The following CFAP299 variants were observed in gnomAD, a reference collection of about 807,000 sequenced individuals.
The protein encoded by CFAP299 is cilia- and flagella-associated protein 299.
CFAP299 carries 21 observed loss-of-function variants against 27.0 expected under a neutral mutation model. The ratio of observed to expected loss-of-function variants is 0.78; its 90% CI spans 0.55 to 1.12. The LOEUF is 1.12. Among genes scored for constraint, CFAP299 ranks in the 50% most tolerant of loss-of-function variants. CFAP299 has a pLI of 0.00. For missense variants in CFAP299, 310 were observed against 276.6 expected (o/e 1.12, Z -0.86); for synonymous variants, 104 against 98.1 (o/e 1.06, Z -0.36).
chr4:80,683,500 A>G (rs1719976731), intron 3 of CFAP299, among the ~76,000 whole-genome samples: 1 of 152,156 alleles, frequency 6.6e-6, no homozygotes, highest in African/African-American at 2.4e-5. Flanking sequence ...TACCTGGAAA[A>G]TATCTATCTT....
chr4:80,442,140 C>T (rs2110087556), intron 2 of CFAP299, among the ~76,000 whole-genome samples: 1 of 152,212 alleles, frequency 6.6e-6, no homozygotes, highest in South Asian at 2.1e-4. Context: ...CAATATTAGA[C>T]AGATATTTAC....
chr4:80,433,188 G>A (rs1410930413), intron 2 of CFAP299, among the ~76,000 whole-genome samples: 1 of 152,094 alleles, frequency 6.6e-6, no homozygotes, highest in Non-Finnish European at 1.5e-5. Flanking sequence ...ATTCATAAAA[G>A]GCTGAAGTTA....
At chr4:80,454,865 A>T (rs1012192702) in intron 2 of CFAP299, among the ~76,000 whole-genome samples, 1 of 152,062 alleles carries the variant, frequency 6.6e-6, no homozygotes, top group Non-Finnish European at 1.5e-5. Flanking sequence ...CATGGTGGGT[A>T]GGGGGTTGGG....
In CFAP299 at chr4:80,869,934, A is replaced by T; in HGVS notation, c.334-59A>T. ...GTTTTACATCATTCTATCCTATGGC[A>T]TTCCATAATAAATCAGCTCTTTTAT... On this transcript the variant is annotated intron_variant, in intron 3 of 5. Transcript: ENST00000358105. 3 of 1,494,238 alleles carry T rather than the reference A, an allele frequency of 2.0e-6. No homozygotes were observed. In the South Asian group the frequency reaches 3.8e-5, roughly 19 times the overall value. 92.6% of individuals were successfully genotyped at this position (1,494,238 alleles called of 1,614,324 possible).
intron 3 of CFAP299, among the ~76,000 whole-genome samples, chr4:80,690,951 G>C (rs1460062914): frequency 6.7e-6 from 1 of 149,854 alleles, no homozygotes; most frequent in African/African-American, 2.5e-5. Context: ...AGAAGAAATG[G>C]ATAAATTCCT....
At chr4:80,817,725 C>CT (rs34113155) in intron 3 of CFAP299, among the ~76,000 whole-genome samples, 42,196 of 150,148 alleles carry the variant, frequency 0.28, 7,348 homozygotes, top group African/African-American at 0.49. Flanking sequence ...GTACAAACAA[C>CT]TTTTTTTTTT....
At chr4:80,756,568 A>G (rs912610605) in intron 3 of CFAP299, among the ~76,000 whole-genome samples, 2 of 152,166 alleles carry the variant, frequency 1.3e-5, no homozygotes, top group Admixed American at 1.3e-4. Context: ...TTAAAAAAAA[A>G]CAAAAACAAA....
intron 2 of CFAP299, among the ~76,000 whole-genome samples, chr4:80,548,890 A>G (rs1734369797): frequency 6.6e-6 from 1 of 152,194 alleles, no homozygotes; most frequent in Admixed American, 6.6e-5. Context: ...TTATGAGGAC[A>G]TGACATTAAA....
chr4:80,703,046 A>T (rs1454077707), intron 3 of CFAP299, among the ~76,000 whole-genome samples: 1 of 151,746 alleles, frequency 6.6e-6, no homozygotes, highest in Non-Finnish European at 1.5e-5. Context: ...ACTTTGTGAG[A>T]CTGGAGGGGA....
intron 3 of CFAP299, among the ~76,000 whole-genome samples, chr4:80,689,013 G>T (rs1720444401): frequency 1.3e-5 from 2 of 152,124 alleles, no homozygotes; most frequent in Non-Finnish European, 2.9e-5. Flanking sequence ...AAAGAAACGA[G>T]CAAAGCCTCC....
chr4:80,693,905 A>T, intron 3 of CFAP299, among the ~76,000 whole-genome samples: 1 of 152,026 alleles, frequency 6.6e-6, no homozygotes, highest in East Asian at 1.9e-4. Context: ...AATTTGTAAA[A>T]TTTATTCATT....
chr4:80,909,898 T>A (rs1046260589), intron 4 of CFAP299, among the ~76,000 whole-genome samples: 2 of 152,166 alleles, frequency 1.3e-5, no homozygotes, highest in Non-Finnish European at 2.9e-5. Context: ...TAACTAAATT[T>A]TTTGAAAACT....
intron 3 of CFAP299, among the ~76,000 whole-genome samples, chr4:80,834,058 A>C (rs1260087743): frequency 6.6e-6 from 1 of 152,240 alleles, no homozygotes; most frequent in Non-Finnish European, 1.5e-5. Context: ...GCAGTTTGCT[A>C]ATTGTATGCA....
chr4:80,695,092 T>A (rs1385488890), intron 3 of CFAP299, among the ~76,000 whole-genome samples: 1 of 152,180 alleles, frequency 6.6e-6, no homozygotes, highest in Non-Finnish European at 1.5e-5. Flanking sequence ...AAAGCCAAGA[T>A]AATACAAATA....
At chr4:80,563,710 A>G (rs1034559318) in intron 2 of CFAP299, among the ~76,000 whole-genome samples, 6 of 152,096 alleles carry the variant, frequency 3.9e-5, no homozygotes, top group African/African-American at 1.4e-4. Context: ...GAGCAGAAAT[A>G]AAGGAAATTG....
At chr4:80,583,654 A>AC (rs1467797011) in intron 3 of CFAP299, among the ~76,000 whole-genome samples, 24 of 151,918 alleles carry the variant, frequency 1.6e-4, no homozygotes, top group African/African-American at 5.8e-4. Context: ...ATTTTGAATG[A>AC]TCCAAGGAGA....
intron 4 of CFAP299, among the ~76,000 whole-genome samples, chr4:80,891,430 C>T (rs1241941835): frequency 6.6e-6 from 1 of 150,990 alleles, no homozygotes; most frequent in Non-Finnish European, 1.5e-5. Context: ...GAATACTATG[C>T]AGCCATAAAA....
chr4:80,346,050 C>T (rs994113122), intron 1 of CFAP299, among the ~76,000 whole-genome samples: 3 of 152,154 alleles, frequency 2.0e-5, no homozygotes, highest in Admixed American at 6.5e-5. Flanking sequence ...TTTCATGTGT[C>T]TGTTGGCTGC....
chr4:80,612,343 A>T (rs924767808), intron 3 of CFAP299, among the ~76,000 whole-genome samples: 1 of 152,084 alleles, frequency 6.6e-6, no homozygotes, highest in Admixed American at 6.6e-5. Flanking sequence ...ACTAAAAAAA[A>T]TTATCTCAAA....
Sources: allele counts gnomAD v4.1 joint callset (sites outside exome capture counted in the v4.1 genomes callset), GRCh38; gene constraint gnomAD v4.1.1; transcripts MANE v1.5; gene names NCBI Gene and HGNC (gene_info 2026-07-23, HGNC 2026-07-21).